Variants in ENTPD5 observed in about 807,000 individuals in gnomAD.
ENTPD5 encodes ectonucleoside triphosphate diphosphohydrolase 5 (inactive), also known as nucleoside diphosphate phosphatase ENTPD5.
A neutral mutation model predicts 60.2 loss-of-function variants in ENTPD5; 49 were observed. That is an observed-to-expected ratio of 0.81 (90% CI 0.65 to 1.03). ENTPD5 has a LOEUF of 1.03. ENTPD5 is among the 50% of genes least tolerant of loss of function. The probability of loss-of-function intolerance (pLI) is 0.00; values close to 1 mark genes in which losing one functional copy is unlikely to be tolerated. For missense variants in ENTPD5, 480 were observed against 507.6 expected (o/e 0.95, Z 0.52); for synonymous variants, 187 against 185.4 (o/e 1.01, Z -0.07).
intron 6 of ENTPD5, among the ~76,000 whole-genome samples, chr14:73,981,926 T>C (rs888122675): frequency 2.6e-5 from 4 of 152,130 alleles, no homozygotes; most frequent in Non-Finnish European, 5.9e-5. Flanking sequence ...TCCATTTATA[T>C]GAAAAGAATA....
rs1415323498 is a variant in ENTPD5 at position 73,988,190 on chromosome 14, C to CTGT, written c.-70-19_-70-18insACA. The CTGT allele has an allele frequency of 5.4e-6, 8 of 1,490,460 alleles. No individual in the cohort carries two copies. Among genetic ancestry groups the CTGT allele is most frequent in the Non-Finnish European group, 6.3e-6 (7 of 1,119,116 alleles). 92.3% of individuals were successfully genotyped at this position (1,490,460 alleles called of 1,614,324 possible). On this transcript the variant is annotated intron_variant, in intron 3 of 15. Transcript: ENST00000334696. ...TGCAGAGGCTTATAGGACAAAGACA[C>CTGT]ACAAGTTAGACCAACTAGCTTTTTT... is the stretch of plus-strand genomic sequence containing the variant.
chr14:73,995,512 C>T (rs985540177), intron 3 of ENTPD5, among the ~76,000 whole-genome samples: 18 of 151,542 alleles, frequency 1.2e-4, no homozygotes, highest in African/African-American at 4.1e-4. Context: ...AACAGCTGAT[C>T]GGGCACAGTG....
chr14:73,998,551 TTAAGAAACCC>T (rs1424505198), intron 3 of ENTPD5, among the ~76,000 whole-genome samples: 2 of 151,768 alleles, frequency 1.3e-5, no homozygotes, highest in Non-Finnish European at 2.9e-5. Context: ...CTTAGAAACT[TTAAGAAACCC>T]TAAGAAACTA....
chr14:73,971,494 A>G (rs1340799757), intron 14 of ENTPD5, among the ~76,000 whole-genome samples: 1 of 152,088 alleles, frequency 6.6e-6, no homozygotes, highest in Non-Finnish European at 1.5e-5. Flanking sequence ...CTTGCCCATA[A>G]TTCTATGCTG....
chr14:73,991,516 A>T (rs1307357619), intron 3 of ENTPD5, among the ~76,000 whole-genome samples: 1 of 145,820 alleles, frequency 6.9e-6, no homozygotes, highest in African/African-American at 2.5e-5. Context: ...TGAACCCGGG[A>T]GGCGGAGGCT....
intron 3 of ENTPD5, among the ~76,000 whole-genome samples, chr14:73,999,450 T>A (rs1566756653): frequency 6.6e-6 from 1 of 151,082 alleles, no homozygotes; most frequent in Non-Finnish European, 1.5e-5. Context: ...ATCACAGGAT[T>A]GCACCCCAGC....
At chr14:74,013,137 C>G (rs779519245) in intron 2 of ENTPD5, among the ~76,000 whole-genome samples, 1 of 152,170 alleles carries the variant, frequency 6.6e-6, no homozygotes, top group Non-Finnish European at 1.5e-5. Flanking sequence ...TCAGGTGGGG[C>G]CTGTGAAACT....
downstream of ENTPD5, chr14:73,958,016 A>G (rs2056523591): frequency 1.3e-6 from 1 of 790,156 alleles, no homozygotes; most frequent in Non-Finnish European, 2.3e-6. Context: ...AGCATTAATT[A>G]CTGATTTTTT....
chr14:73,980,853 T>C lies in ENTPD5; in HGVS notation c.441+2165A>G, dbSNP rs578215271. On this transcript the variant is annotated intron_variant, in intron 6 of 15. Coordinates refer to ENST00000334696, the MANE Select transcript of ENTPD5 (RefSeq NM_001249.5). ...TGGCTCATGCCTGTAATCCCAGTACTTTGGGAGGCTGAGGCGGGCAGATCA... is the reference window on the plus strand; with the variant it reads ...TGGCTCATGCCTGTAATCCCAGTACCTTGGGAGGCTGAGGCGGGCAGATCA... Among the ~76,000 whole-genome samples, 11 of 152,320 alleles carry C rather than the reference T, an allele frequency of 7.2e-5. No individual in the cohort carries two copies. In the South Asian group the frequency reaches 2.3e-3, roughly 32 times the overall value.
At chr14:73,975,022 C>T in intron 10 of ENTPD5, 37 bp from the exon 11 acceptor site, 2 of 1,498,214 alleles carry the variant, frequency 1.3e-6, no homozygotes, top group Non-Finnish European at 1.9e-6. Flanking sequence ...CATGCTGGTC[C>T]TGAAGTTCTC....
chr14:73,986,685 G>A, intron 5 of ENTPD5, 129 bp downstream of exon 5: 1 of 712,792 alleles, frequency 1.4e-6, no homozygotes, highest in Non-Finnish European at 2.5e-6. Context: ...GAGATTAGCT[G>A]AGGAGAGAAA....
intron 3 of ENTPD5, among the ~76,000 whole-genome samples, chr14:74,000,469 A>AAT (rs1555365920): frequency 1.3e-5 from 2 of 151,230 alleles, no homozygotes; most frequent in Admixed American, 6.6e-5. Flanking sequence ...CAATTTAAAA[A>AAT]ATATATATAT....
downstream of ENTPD5, chr14:73,959,630 C>CG (rs1186213696): frequency 1.3e-6 from 2 of 1,566,990 alleles, no homozygotes; most frequent in African/African-American, 2.7e-5. Context: ...CGCAGTGGCG[C>CG]GATCTTGGCT....
chr14:73,982,630 C>T (rs1049706559), intron 6 of ENTPD5, among the ~76,000 whole-genome samples: 2 of 151,906 alleles, frequency 1.3e-5, no homozygotes, highest in African/African-American at 4.8e-5. Flanking sequence ...GTGGCAGGTG[C>T]CTGTAGTCCC....
intron 8 of ENTPD5, 100 bp from the exon 9 acceptor site, chr14:73,976,512 C>A: frequency 1.2e-6 from 1 of 855,312 alleles, no homozygotes; most frequent in Non-Finnish European, 1.9e-6. Flanking sequence ...TCCATACATA[C>A]TCCACTGCTC....
At chr14:73,993,094 C>T (rs931476008) in intron 3 of ENTPD5, among the ~76,000 whole-genome samples, 7 of 151,954 alleles carry the variant, frequency 4.6e-5, no homozygotes, top group Admixed American at 1.3e-4. Flanking sequence ...CCCGGCAGTT[C>T]GACAGGCCAA....
At position 73,973,877 on chromosome 14, in the gene ENTPD5, C is replaced by T. The variant is rs1302896538; in HGVS notation, c.886G>A (p.Gly296Arg). Residue 296 changes from glycine to arginine, a missense_variant and splice_region_variant, in exon 12 of 16, where the codon GGG (glycine) becomes AGG (arginine). Transcript: ENST00000334696. ...VKYQYGGNQEGEVGFEPCYAE... is the reference protein window; with the variant it reads ...VKYQYGGNQEREVGFEPCYAE... ...TAACCAGTGAAAAAACATCACTTGC[C>T]TTCTTGGTTGCCACCATACTGGTAT... 3.1e-6 allele frequency: 5 copies of T among 1,613,572 alleles called. No homozygotes were observed. The highest frequency in any genetic ancestry group is 4.2e-6 in the Non-Finnish European group (5 of 1,179,596).
At chr14:73,997,001 G>C (rs1220612954) in intron 3 of ENTPD5, among the ~76,000 whole-genome samples, 3 of 152,058 alleles carry the variant, frequency 2.0e-5, no homozygotes, top group South Asian at 2.1e-4. Flanking sequence ...ACTGTGATAA[G>C]TTCTCTGACA....
Position 73,988,122 on chromosome 14 carries a change from T to G in ENTPD5, c.-20A>C, listed in dbSNP as rs1308681051. Reference sequence around the variant, plus strand: ...GGCCATTCTTTTCCCAAGATGTGGCTGGGTGGAGGCTTTTGTTGCAGAAGC... The same window carrying G: ...GGCCATTCTTTTCCCAAGATGTGGCGGGGTGGAGGCTTTTGTTGCAGAAGC... On this transcript the variant is annotated 5_prime_UTR_variant, in exon 4 of 16. Coordinates refer to ENST00000334696, the MANE Select transcript of ENTPD5 (RefSeq NM_001249.5). 12 of 1,594,924 alleles carry G rather than the reference T, an allele frequency of 7.5e-6. No individual in the cohort carries two copies. The highest frequency in any genetic ancestry group is 1.0e-5 in the Non-Finnish European group (12 of 1,170,724).
Sources: gnomAD v4.1 joint callset for allele counts (sites outside exome capture counted in the v4.1 genomes callset) on GRCh38, gnomAD v4.1.1 for gene constraint, MANE v1.5 for transcripts, NCBI Gene and HGNC (gene_info 2026-07-23, HGNC 2026-07-21) for gene names.